Variants in PPP4R1 observed in about 807,000 individuals in gnomAD.
The protein encoded by PPP4R1 is protein phosphatase 4 regulatory subunit 1, also known as serine/threonine-protein phosphatase 4 regulatory subunit 1.
A neutral mutation model predicts 111.2 loss-of-function variants in PPP4R1; 42 were observed. The observed-to-expected ratio is 0.38, with a 90% confidence interval of 0.29 to 0.49. The LOEUF (loss-of-function observed/expected upper bound fraction) is 0.49, where lower values mean the gene tolerates loss of function less well. Ranked by LOEUF, PPP4R1 falls within the 20% of genes least tolerant of loss-of-function variation. The pLI, the probability that PPP4R1 is intolerant of heterozygous loss-of-function variation, is 0.97. For synonymous variants in PPP4R1, 409 were observed against 405.5 expected, an observed-to-expected ratio of 1.01 and a Z score of -0.10; for missense variants, 1,012 against 1,161.6, an observed-to-expected ratio of 0.87 and a Z score of 1.87.
Position 9,614,123 on chromosome 18 carries a change from C to T in PPP4R1, c.52+103G>A. The T allele has an allele frequency of 9.6e-7, 1 of 1,039,666 alleles. No individual in the cohort carries two copies. Among genetic ancestry groups the T allele is most frequent in the Non-Finnish European group, 1.2e-6 (1 of 817,590 alleles). The allele number at this position is 1,039,666 out of a possible 1,614,324, so 64.4% of individuals were successfully genotyped here. A position where few individuals can be genotyped will look rare whatever the true frequency, so the allele number is the denominator to read the frequency against. On this transcript the variant is annotated intron_variant, in intron 2 of 19. Coordinates refer to ENST00000400556, the MANE Select transcript of PPP4R1 (RefSeq NM_001042388.3). The surrounding 1 kb of genome is among the most constrained non-coding windows in gnomAD (Gnocchi z 4.1). ...CCCGCCTGGGGCCGCCCTCGCCCAC[C>T]GTCCCCTCAGCCAGCCAGGGCCCGG...
intron 6 of PPP4R1, among the ~76,000 whole-genome samples, chr18:9,587,754 C>T (rs757389105): frequency 1.7e-4 from 25 of 151,086 alleles, no homozygotes; most frequent in Non-Finnish European, 3.5e-4. Flanking sequence ...GCTCTGTCGC[C>T]CAGGCTGAAG....
rs866577940 is a variant in PPP4R1 at position 9,614,379 on chromosome 18, A to G, written c.7+99T>C. 1.2e-6 allele frequency: 1 copy of G among 851,584 alleles called. No individual in the cohort carries two copies. The highest frequency in any genetic ancestry group is 1.4e-6 in the Non-Finnish European group (1 of 731,888). 52.8% of individuals were successfully genotyped at this position (851,584 alleles called of 1,614,324 possible). A position where few individuals can be genotyped will look rare whatever the true frequency, so the allele number is the denominator to read the frequency against. On this transcript the variant is annotated intron_variant, in intron 1 of 19. Transcript: ENST00000400556. The surrounding 1 kb of genome is among the most constrained non-coding windows in gnomAD (Gnocchi z 4.1). ...CCCGGGGGCGCCTTCCCGCGCCGGGACCCCACGCCGGCCCCGGCCCGGCAG... is the reference window on the plus strand; with the variant it reads ...CCCGGGGGCGCCTTCCCGCGCCGGGGCCCCACGCCGGCCCCGGCCCGGCAG...
In PPP4R1 at chr18:9,596,361, C is replaced by T. The variant is rs181254951; in HGVS notation, c.53-1208G>A. On this transcript the variant is annotated intron_variant, in intron 2 of 19. Coordinates refer to ENST00000400556, the MANE Select transcript of PPP4R1 (RefSeq NM_001042388.3). ...AAATTTTTATTATTATTTCCTGGCA[C>T]TTCCTATTCTATCCCCTGCATTACT... 3.9e-4 allele frequency among the ~76,000 whole-genome samples: 60 copies of T among 152,288 alleles called. 1 individual carries two copies. The highest frequency in any genetic ancestry group is 1.3e-3 in the African/African-American group (55 of 41,574).
rs569726275 is a variant in PPP4R1 at position 9,565,007 on chromosome 18, C to T, written c.1574-1457G>A. Reference sequence around the variant, plus strand: ...TACAGGCACACACCACCATGCTGGGCGTGATAACTGTACTTTTTCTAAACT... The same window carrying T: ...TACAGGCACACACCACCATGCTGGGTGTGATAACTGTACTTTTTCTAAACT... On this transcript the variant is annotated intron_variant, in intron 11 of 19. Coordinates refer to ENST00000400556, the MANE Select transcript of PPP4R1 (RefSeq NM_001042388.3). 3.3e-5 allele frequency among the ~76,000 whole-genome samples: 5 copies of T among 152,056 alleles called. 1 individual carries two copies. Among genetic ancestry groups the T allele is most frequent in the South Asian group, 2.1e-4 (1 of 4,808 alleles).
At chr18:9,594,133 T>C in intron 3 of PPP4R1, 1 of 249,050 alleles carries the variant, frequency 4.0e-6, no homozygotes, top group South Asian at 6.6e-5. Context: ...TTTCACCATG[T>C]TGCCCAGGCT....
Position 9,547,765 on chromosome 18 carries a change from G to T in PPP4R1, c.*24C>A, listed in dbSNP as rs1050456827. On this transcript the variant is annotated 3_prime_UTR_variant, in exon 20 of 20. Coordinates refer to ENST00000400556, the MANE Select transcript of PPP4R1 (RefSeq NM_001042388.3). ...TGAACCTCGGCTCTCATGGAAGCAG[G>T]AAAGACACCGAGATTCAAGCCTTCT... The T allele has an allele frequency of 1.4e-5, 22 of 1,611,208 alleles. No individual in the cohort carries two copies. The African/African-American group carries it at 2.7e-4, about 20-fold the overall frequency.
chr18:9,569,176 C>T (rs1163693041), intron 11 of PPP4R1, among the ~76,000 whole-genome samples: 10 of 138,584 alleles, frequency 7.2e-5, no homozygotes, highest in Non-Finnish European at 1.4e-4. Flanking sequence ...GGCAACAAAG[C>T]GAGACTCCGT....
rs187164723 is a variant in PPP4R1 at position 9,567,679 on chromosome 18, G to C, written c.1573+2478C>G. Among the ~76,000 whole-genome samples, 44 of 152,338 alleles carry C rather than the reference G, an allele frequency of 2.9e-4. No homozygotes were observed. The East Asian group carries it at 6.6e-3, about 23-fold the overall frequency. On this transcript the variant is annotated intron_variant, in intron 11 of 19. Coordinates refer to ENST00000400556, the MANE Select transcript of PPP4R1 (RefSeq NM_001042388.3). ...TATTGATAAAGCAGTGGTGGTGTTT[G>C]AGAAGACTGACTCTAATTTTTAAAG...
chr18:9,607,955 T>C (rs1028369490), intron 2 of PPP4R1, among the ~76,000 whole-genome samples: 1 of 152,046 alleles, frequency 6.6e-6, no homozygotes, highest in Non-Finnish European at 1.5e-5. Context: ...GCTAATTCTT[T>C]GTATTTTTAA....
chr18:9,579,882 C>T (rs1032711875), intron 9 of PPP4R1, among the ~76,000 whole-genome samples: 4 of 152,112 alleles, frequency 2.6e-5, no homozygotes, highest in African/African-American at 9.7e-5. Flanking sequence ...TTGGTATCCA[C>T]AAGGGGTCCT....
rs376332808 is a variant in PPP4R1 at position 9,547,774 on chromosome 18, C to T, written c.*15G>A. Reference sequence around the variant, plus strand: ...GCTCTCATGGAAGCAGGAAAGACACCGAGATTCAAGCCTTCTAGTAGGTTG... The same window carrying T: ...GCTCTCATGGAAGCAGGAAAGACACTGAGATTCAAGCCTTCTAGTAGGTTG... On this transcript the variant is annotated 3_prime_UTR_variant, in exon 20 of 20. Coordinates refer to ENST00000400556, the MANE Select transcript of PPP4R1 (RefSeq NM_001042388.3). 44 of 1,611,886 alleles carry T rather than the reference C, an allele frequency of 2.7e-5. No individual in the cohort carries two copies. The highest frequency in any genetic ancestry group is 2.5e-4 in the South Asian group (23 of 90,974).
At chr18:9,555,754 A>G (rs1407249061) in intron 15 of PPP4R1, among the ~76,000 whole-genome samples, 1 of 152,238 alleles carries the variant, frequency 6.6e-6, no homozygotes, top group South Asian at 2.1e-4. Context: ...TAAGAGGACT[A>G]AAGAAAGATA....
In PPP4R1 at chr18:9,614,110, C is replaced by T; in HGVS notation, c.52+116G>A. ...ATCGCCACCCCAGCCCGCCTGGGGC[C>T]GCCCTCGCCCACCGTCCCCTCAGCC... is the stretch of plus-strand genomic sequence containing the variant. On this transcript the variant is annotated intron_variant, in intron 2 of 19. Transcript: ENST00000400556. The surrounding 1 kb of genome is among the most constrained non-coding windows in gnomAD (Gnocchi z 4.1). 2.1e-6 allele frequency: 2 copies of T among 931,274 alleles called. No individual in the cohort carries two copies. The highest frequency in any genetic ancestry group is 4.3e-4 in the Middle Eastern group (1 of 2,346). 57.7% of individuals were successfully genotyped at this position (931,274 alleles called of 1,614,324 possible).
At chr18:9,560,723 C>T (rs1441910236) in intron 13 of PPP4R1, among the ~76,000 whole-genome samples, 3 of 151,926 alleles carry the variant, frequency 2.0e-5, no homozygotes, top group Admixed American at 6.6e-5. Flanking sequence ...CTAGATGTGG[C>T]GGTGCACATC....
intron 9 of PPP4R1, among the ~76,000 whole-genome samples, chr18:9,581,316 A>G (rs930535781): frequency 9.9e-5 from 15 of 152,230 alleles, no homozygotes; most frequent in African/African-American, 1.7e-4. Context: ...TGATGATTAC[A>G]GAAGTAATGG....
chr18:9,593,427 C>T (rs989646753), intron 4 of PPP4R1, among the ~76,000 whole-genome samples: 26 of 149,650 alleles, frequency 1.7e-4, no homozygotes, highest in Admixed American at 4.7e-4. Context: ...TCTATAGTTG[C>T]CTAAAATAAT....
At chr18:9,604,613 A>C (rs7231531) in intron 2 of PPP4R1, among the ~76,000 whole-genome samples, 25,148 of 151,908 alleles carry the variant, frequency 0.17, 2,913 homozygotes, top group African/African-American at 0.33. Flanking sequence ...ATTACTAACA[A>C]CACCCAGGAG....
At chr18:9,609,240 C>G (rs1335784496) in intron 2 of PPP4R1, among the ~76,000 whole-genome samples, 1 of 152,118 alleles carries the variant, frequency 6.6e-6, no homozygotes, top group African/African-American at 2.4e-5. Flanking sequence ...AACAGGCTAC[C>G]AGGTCTCACG....
intron 18 of PPP4R1, 142 bp from the exon 19 acceptor site, chr18:9,549,480 C>T: frequency 9.9e-7 from 1 of 1,012,276 alleles, no homozygotes; most frequent in Non-Finnish European, 1.4e-6. Flanking sequence ...CTTGGGAACT[C>T]AAATCAAAAA....
Sources: allele counts gnomAD v4.1 joint callset (sites outside exome capture counted in the v4.1 genomes callset), GRCh38; gene constraint gnomAD v4.1.1; non-coding constraint Gnocchi (gnomAD v3.1); transcripts MANE v1.5; gene names NCBI Gene and HGNC (gene_info 2026-07-23, HGNC 2026-07-21).